The following TRABD2B variants were observed in gnomAD, a reference collection of about 807,000 sequenced individuals.
The protein encoded by TRABD2B is TraB domain containing 2B, also known as metalloprotease TIKI2.
TRABD2B carries 14 observed loss-of-function variants against 40.1 expected under a neutral mutation model. That is an observed-to-expected ratio of 0.35 (90% CI 0.23 to 0.55). The LOEUF is 0.55. Among genes scored for constraint, TRABD2B ranks in the 20% least tolerant of loss-of-function variants. TRABD2B has a pLI of 0.90. For missense variants in TRABD2B, 541 were observed against 648.6 expected (o/e 0.83, Z 1.80); for synonymous variants, 263 against 277.0 (o/e 0.95, Z 0.50).
At chr1:47,826,673 A>C (rs1014920220) in intron 2 of TRABD2B, among the ~76,000 whole-genome samples, 1 of 152,104 alleles carries the variant, frequency 6.6e-6, no homozygotes, top group Non-Finnish European at 1.5e-5. Flanking sequence ...TCCTGGGCTC[A>C]AGCAATCCTC....
At chr1:47,918,027 G>C (rs1247718662) in intron 2 of TRABD2B, among the ~76,000 whole-genome samples, 1 of 152,222 alleles carries the variant, frequency 6.6e-6, no homozygotes, top group African/African-American at 2.4e-5. Context: ...TCAGAATAAA[G>C]TAATCTAGCA....
chr1:47,761,333 C>G lies in TRABD2B; in HGVS notation c.*4569G>C, dbSNP rs1644241542. 1 of 152,350 alleles carries G rather than the reference C, an allele frequency of 6.6e-6. No homozygotes were observed. The highest frequency in any genetic ancestry group is 6.5e-5 in the Admixed American group (1 of 15,288). The allele number at this position is 152,350 out of a possible 1,614,324, so 9.4% of individuals were successfully genotyped here. ...CAGTTCTCGTGAACCCTTTCCTCCC[C>G]TGGGGTCAGGGAGTGGGGCAGAGCG... is the stretch of plus-strand genomic sequence containing the variant. On this transcript the variant is annotated 3_prime_UTR_variant, in exon 7 of 7. Coordinates refer to ENST00000606738, the MANE Select transcript of TRABD2B (RefSeq NM_001194986.2).
chr1:47,893,525 G>A (rs1013032886), intron 2 of TRABD2B, among the ~76,000 whole-genome samples: 3 of 152,198 alleles, frequency 2.0e-5, no homozygotes, highest in Non-Finnish European at 2.9e-5. Flanking sequence ...CCTGCCCTTA[G>A]CCCAGGCTGG....
Position 47,939,279 on chromosome 1 carries a change from C to A in TRABD2B, c.666+54755G>T, listed in dbSNP as rs147504368. ...CAAAATCCAATAAAAGCCAACATGA[C>A]AATGAAGAGAAGACATTCAATGAGC... On this transcript the variant is annotated intron_variant, in intron 2 of 6. Transcript: ENST00000606738. Among the ~76,000 whole-genome samples the A allele has an allele frequency of 3.6e-3, 547 of 152,174 alleles. 6 individuals are homozygous for A. Among genetic ancestry groups the A allele is most frequent in the African/African-American group, 0.012 (503 of 41,492 alleles).
At position 47,967,336 on chromosome 1, in the gene TRABD2B, AACACACACACACACAC is replaced by A. The variant is rs56776440; in HGVS notation, c.666+26682_666+26697del. ...ATGAGTGTATGTGAATAAGCAAGAAAACACACACACACACACACACACACACACACACACACAGCAA... is the reference window on the plus strand; with the variant it reads ...ATGAGTGTATGTGAATAAGCAAGAAAACACACACACACACACACACAGCAA... On this transcript the variant is annotated intron_variant, in intron 2 of 6. Transcript: ENST00000606738. Among the ~76,000 whole-genome samples the A allele has an allele frequency of 6.8e-3, 997 of 147,378 alleles. 6 individuals carry two copies. The highest frequency in any genetic ancestry group is 0.019 in the African/African-American group (764 of 39,962).
rs185108002 is a variant in TRABD2B, at chr1:47,996,986, G to A, written c.-197C>T. On this transcript the variant is annotated 5_prime_UTR_variant, in exon 1 of 7. Coordinates refer to ENST00000606738, the MANE Select transcript of TRABD2B (RefSeq NM_001194986.2). This position sits in a 1 kb window ranked among gnomAD's most constrained non-coding sequence, Gnocchi z 4.6. ...TGGGGCCGGGCTCCGTCTGTTGGAAGAGGGAGACCCTCTAGGGCTGGGCCC... is the reference window on the plus strand; with the variant it reads ...TGGGGCCGGGCTCCGTCTGTTGGAAAAGGGAGACCCTCTAGGGCTGGGCCC... 2.6e-3 allele frequency: 2,804 copies of A among 1,097,070 alleles called. 54 individuals are homozygous for A. The African/African-American group carries it at 0.043, about 17-fold the overall frequency. The allele number at this position is 1,097,070 out of a possible 1,614,324, so 68.0% of individuals were successfully genotyped here. A position where few individuals can be genotyped will look rare whatever the true frequency, so the allele number is the denominator to read the frequency against.
At chr1:47,833,777 T>C (rs1052672468) in intron 2 of TRABD2B, among the ~76,000 whole-genome samples, 5 of 152,144 alleles carry the variant, frequency 3.3e-5, no homozygotes, top group Admixed American at 3.3e-4. Flanking sequence ...GTGGAAGGAG[T>C]TGGATATCAG....
At chr1:47,845,248 G>A (rs922278267) in intron 2 of TRABD2B, among the ~76,000 whole-genome samples, 1 of 152,158 alleles carries the variant, frequency 6.6e-6, no homozygotes, top group Non-Finnish European at 1.5e-5. Flanking sequence ...ATTGATAACT[G>A]GAGATGATCT....
chr1:47,965,124 C>A (rs951824053), intron 2 of TRABD2B, among the ~76,000 whole-genome samples: 3 of 147,688 alleles, frequency 2.0e-5, no homozygotes, highest in Non-Finnish European at 3.0e-5. Flanking sequence ...AGGTTCAACT[C>A]AAGCATCAAG....
In TRABD2B at chr1:47,799,529, C is replaced by T. The variant is rs182591301; in HGVS notation, c.813+1944G>A. ...AGGATGCCACATGCCTACATTTGCT[C>T]GGGTGACAGTCACTCACTGCCATGT... On this transcript the variant is annotated intron_variant, in intron 3 of 6. Transcript: ENST00000606738. Among the ~76,000 whole-genome samples, 17 of 152,298 alleles carry T rather than the reference C, an allele frequency of 1.1e-4. No homozygotes were observed. In the East Asian group the frequency reaches 2.9e-3, roughly 26 times the overall value.
At chr1:47,776,996 G>A (rs1386564984) in intron 5 of TRABD2B, among the ~76,000 whole-genome samples, 1 of 152,068 alleles carries the variant, frequency 6.6e-6, no homozygotes, top group East Asian at 1.9e-4. Flanking sequence ...GCCCCCCTCC[G>A]CCCTGCCAAC....
At chr1:47,783,632 A>G (rs1333436434) in intron 4 of TRABD2B, among the ~76,000 whole-genome samples, 2 of 152,220 alleles carry the variant, frequency 1.3e-5, no homozygotes, top group African/African-American at 4.8e-5. Flanking sequence ...ACACTTATAT[A>G]CAAACAGGAA....
chr1:47,871,432 A>G (rs1644138914), intron 2 of TRABD2B, among the ~76,000 whole-genome samples: 1 of 152,122 alleles, frequency 6.6e-6, no homozygotes, highest in South Asian at 2.1e-4. Context: ...CACTTTCAAA[A>G]ACAAACCAGC....
At chr1:47,800,473 C>G (rs1644807317) in intron 3 of TRABD2B, among the ~76,000 whole-genome samples, 1 of 152,164 alleles carries the variant, frequency 6.6e-6, no homozygotes, top group Non-Finnish European at 1.5e-5. Flanking sequence ...AAGGCCCATG[C>G]AGCCCAAGTG....
At chr1:47,937,640 A>C (rs1293697338) in intron 2 of TRABD2B, among the ~76,000 whole-genome samples, 1 of 147,128 alleles carries the variant, frequency 6.8e-6, no homozygotes, top group Non-Finnish European at 1.5e-5. Flanking sequence ...CAGAATTTTT[A>C]GGAAAAAAAA....
intron 2 of TRABD2B, among the ~76,000 whole-genome samples, chr1:47,905,309 G>A (rs945161688): frequency 4.6e-5 from 7 of 152,218 alleles, no homozygotes; most frequent in Non-Finnish European, 7.3e-5. Context: ...ATGGCGTGAG[G>A]AGCAATGAGA....
At chr1:47,925,452 G>GA (rs750469382) in intron 2 of TRABD2B, among the ~76,000 whole-genome samples, 32 of 151,940 alleles carry the variant, frequency 2.1e-4, no homozygotes, top group Non-Finnish European at 4.1e-4. Flanking sequence ...AAAGAAATGG[G>GA]AAAAAAAATC....
chr1:47,949,417 T>C (rs914204174), intron 2 of TRABD2B, among the ~76,000 whole-genome samples: 1 of 142,632 alleles, frequency 7.0e-6, no homozygotes, highest in African/African-American at 2.6e-5. Flanking sequence ...TTTTTTTTTT[T>C]TTTTTTTTGA....
At chr1:47,970,406 C>T (rs1645664508) in intron 2 of TRABD2B, among the ~76,000 whole-genome samples, 1 of 152,172 alleles carries the variant, frequency 6.6e-6, no homozygotes, top group South Asian at 2.1e-4. Flanking sequence ...ATGCCTCCCA[C>T]TGCTTATTGG....
Sources: gnomAD v4.1 joint callset for allele counts (sites outside exome capture counted in the v4.1 genomes callset) on GRCh38, gnomAD v4.1.1 for gene constraint, Gnocchi (gnomAD v3.1) non-coding constraint, MANE v1.5 for transcripts, NCBI Gene and HGNC (gene_info 2026-07-23, HGNC 2026-07-21) for gene names.